Variants in EPHA6 observed in about 807,000 individuals in gnomAD.
The protein encoded by EPHA6 is EPH receptor A6.
In EPHA6, 50 loss-of-function variants were observed where a neutral mutation model predicts 112.0. The ratio of observed to expected loss-of-function variants is 0.45; its 90% CI spans 0.36 to 0.56. The LOEUF (loss-of-function observed/expected upper bound fraction) is 0.56. Ranked by LOEUF, EPHA6 falls within the 20% of genes least tolerant of loss-of-function variation. EPHA6 has a pLI of 0.00. For synonymous variants in EPHA6, 529 were observed against 490.7 expected (o/e 1.08, Z -1.03); for missense variants, 1,280 against 1,417.4 (o/e 0.90, Z 1.56).
chr3:97,309,039 A>G (rs2081438335), intron 5 of EPHA6, among the ~76,000 whole-genome samples: 1 of 151,790 alleles, frequency 6.6e-6, no homozygotes, highest in Admixed American at 6.6e-5. Context: ...GCATAATAAC[A>G]AAGACAACAT....
chr3:97,371,021 G>T (rs2108979814), intron 5 of EPHA6, among the ~76,000 whole-genome samples: 1 of 151,472 alleles, frequency 6.6e-6, no homozygotes, highest in South Asian at 2.1e-4. Context: ...GAGATGAAGA[G>T]CCTGGTCCTA....
chr3:97,314,818 G>A (rs926007015), intron 5 of EPHA6, among the ~76,000 whole-genome samples: 2 of 151,530 alleles, frequency 1.3e-5, no homozygotes, highest in African/African-American at 4.8e-5. Context: ...TGGAACCCTA[G>A]CCTAAACTTA....
intron 5 of EPHA6, among the ~76,000 whole-genome samples, chr3:97,276,941 G>C (rs371353620): frequency 6.6e-6 from 1 of 152,162 alleles, no homozygotes; most frequent in Non-Finnish European, 1.5e-5. Flanking sequence ...ACTGTAAGCC[G>C]GACCAGGTGT....
intron 2 of EPHA6, among the ~76,000 whole-genome samples, chr3:96,903,843 G>A (rs972833168): frequency 1.3e-5 from 2 of 151,994 alleles, no homozygotes; most frequent in African/African-American, 2.4e-5. Flanking sequence ...GCAGCCAAAA[G>A]ACACATGAAA....
intron 2 of EPHA6, among the ~76,000 whole-genome samples, chr3:96,923,411 A>G (rs937266533): frequency 2.6e-5 from 4 of 151,838 alleles, no homozygotes; most frequent in African/African-American, 4.8e-5. Flanking sequence ...AGTTTTTTAC[A>G]TATAGTTGTT....
At chr3:97,661,683 T>C (rs2094170648) in intron 14 of EPHA6, among the ~76,000 whole-genome samples, 2 of 152,216 alleles carry the variant, frequency 1.3e-5, no homozygotes, top group East Asian at 3.9e-4. Context: ...AAAAGGAAAA[T>C]CCTACTTGAG....
chr3:96,850,469 T>C (rs1370145159), intron 1 of EPHA6, among the ~76,000 whole-genome samples: 1 of 152,118 alleles, frequency 6.6e-6, no homozygotes, highest in Non-Finnish European at 1.5e-5. Flanking sequence ...GATGTGATCT[T>C]AAGACGTGAG....
intron 5 of EPHA6, among the ~76,000 whole-genome samples, chr3:97,313,397 A>T (rs2081650871): frequency 6.6e-6 from 1 of 151,502 alleles, no homozygotes; most frequent in Non-Finnish European, 1.5e-5. Context: ...GTTCCTTTGG[A>T]TATATGCTCA....
intron 7 of EPHA6, among the ~76,000 whole-genome samples, chr3:97,449,043 A>G (rs2090441630): frequency 6.6e-6 from 1 of 152,148 alleles, no homozygotes; most frequent in South Asian, 2.1e-4. Flanking sequence ...AACTTGGGAG[A>G]GAATAAAGCC....
Position 97,758,764 on chromosome 3 carries a change from T to C in EPHA6, c.*10063T>C, listed in dbSNP as rs942528595. Among the ~76,000 whole-genome samples, 2 of 151,736 alleles carry C rather than the reference T, an allele frequency of 1.3e-5. No individual in the cohort carries two copies. Among genetic ancestry groups the C allele is most frequent in the African/African-American group, 2.4e-5 (1 of 41,326 alleles). ...TGAAGGAAGCATCCATGAGAAGATA[T>C]GGGGGAAGAGCATTACAAGCAGAGG... On this transcript the variant is annotated 3_prime_UTR_variant, in exon 18 of 18. Transcript: ENST00000389672.
intron 14 of EPHA6, among the ~76,000 whole-genome samples, chr3:97,710,768 A>G (rs2033923501): frequency 6.6e-6 from 1 of 152,232 alleles, no homozygotes; most frequent in Non-Finnish European, 1.5e-5. Context: ...TCTACATTGC[A>G]TGCTGCTTGT....
chr3:97,460,671 G>A (rs1415246835), intron 7 of EPHA6, among the ~76,000 whole-genome samples: 1 of 152,108 alleles, frequency 6.6e-6, no homozygotes, highest in Non-Finnish European at 1.5e-5. Flanking sequence ...CCTCTTCCTG[G>A]GGACAGTCAG....
intron 16 of EPHA6, among the ~76,000 whole-genome samples, chr3:97,743,564 C>T (rs1232598554): frequency 1.3e-5 from 2 of 151,992 alleles, no homozygotes; most frequent in East Asian, 3.9e-4. Flanking sequence ...ATAGTATGCA[C>T]CCATTTGAAT....
chr3:96,868,703 A>T (rs1023566938), intron 2 of EPHA6, among the ~76,000 whole-genome samples: 1 of 151,982 alleles, frequency 6.6e-6, no homozygotes, highest in Admixed American at 6.6e-5. Context: ...TATATGAGGT[A>T]AAGTATGTTT....
chr3:97,623,756 T>C (rs984010453), intron 13 of EPHA6, among the ~76,000 whole-genome samples: 3 of 151,678 alleles, frequency 2.0e-5, no homozygotes, highest in African/African-American at 7.2e-5. Context: ...TCACATTAAG[T>C]ATTAGATTCC....
Position 97,310,090 on chromosome 3 carries a change from C to G in EPHA6, c.1606+65803C>G, listed in dbSNP as rs372197602. Among the ~76,000 whole-genome samples the G allele has an allele frequency of 3.4e-3, 518 of 151,506 alleles. 5 individuals carry two copies. Among genetic ancestry groups the G allele is most frequent in the African/African-American group, 0.012 (481 of 41,442 alleles). ...ATAACTCTTTTGGTTAAAAGACTTC[C>G]GTGGCCTTTTTCAAAATAAAGCCAA... On this transcript the variant is annotated intron_variant, in intron 5 of 17. Transcript: ENST00000389672.
intron 3 of EPHA6, among the ~76,000 whole-genome samples, chr3:97,004,800 C>T (rs965911019): frequency 6.6e-6 from 1 of 152,098 alleles, no homozygotes; most frequent in Non-Finnish European, 1.5e-5. Context: ...TTTAATCTAT[C>T]TTGAGTTAAT....
At chr3:96,936,517 G>T (rs2040590252) in intron 2 of EPHA6, among the ~76,000 whole-genome samples, 1 of 150,846 alleles carries the variant, frequency 6.6e-6, no homozygotes, top group African/African-American at 2.4e-5. Flanking sequence ...GATAATTTCT[G>T]TAATTCTTTT....
Position 97,447,192 on chromosome 3 carries a change from T to C in EPHA6, c.1732-1376T>C, listed in dbSNP as rs572642073. Among the ~76,000 whole-genome samples, 4 of 152,258 alleles carry C rather than the reference T, an allele frequency of 2.6e-5. No individual in the cohort carries two copies. In the East Asian group the frequency reaches 7.7e-4, roughly 29 times the overall value. On this transcript the variant is annotated intron_variant, in intron 6 of 17. Coordinates refer to ENST00000389672, the MANE Select transcript of EPHA6 (RefSeq NM_001080448.3). ...ATAAGACTTTTTTCTGAAAAGTAGCTTAAGAGAAATGATTTTCATAGTTCT... is the reference window on the plus strand; with the variant it reads ...ATAAGACTTTTTTCTGAAAAGTAGCCTAAGAGAAATGATTTTCATAGTTCT...
Sources: allele counts gnomAD v4.1 joint callset (sites outside exome capture counted in the v4.1 genomes callset), GRCh38; gene constraint gnomAD v4.1.1; transcripts MANE v1.5; gene names NCBI Gene and HGNC (gene_info 2026-07-23, HGNC 2026-07-21).